The following SETX variants were observed in gnomAD, a reference collection of about 807,000 sequenced individuals.
SETX encodes helicase senataxin.
Under a neutral mutation model 227.2 loss-of-function variants are expected in SETX, and 90 were observed. The ratio of observed to expected loss-of-function variants is 0.40; its 90% CI spans 0.33 to 0.47. The LOEUF is 0.47. SETX is among the 20% of genes least tolerant of loss of function. SETX has a pLI of 0.91. For missense variants in SETX, 3,052 were observed against 3,181.5 expected (o/e 0.96, Z 0.98); for synonymous variants, 1,210 against 1,113.2 (o/e 1.09, Z -1.73).
rs554610304 is a variant in SETX, at chr9:132,302,694, A to C, written c.5375-1891T>G. On this transcript the variant is annotated intron_variant, in intron 11 of 25. Coordinates refer to ENST00000224140, the MANE Select transcript of SETX (RefSeq NM_015046.7). ...AAAAAAAAAAAGCAAAAAAAAAAAAAAAAACCAGCAGGCATTTTTATAAAT... is the reference window on the plus strand; with the variant it reads ...AAAAAAAAAAAGCAAAAAAAAAAAACAAAACCAGCAGGCATTTTTATAAAT... Among the ~76,000 whole-genome samples, 6 of 150,990 alleles carry C rather than the reference A, an allele frequency of 4.0e-5. No individual in the cohort carries two copies. The South Asian group carries it at 1.2e-3, about 31-fold the overall frequency.
intron 24 of SETX, 93 bp from the exon 25 acceptor site, chr9:132,269,795 C>G (rs1231320432): frequency 8.0e-7 from 1 of 1,255,368 alleles, no homozygotes; most frequent in Non-Finnish European, 1.2e-6. Flanking sequence ...TCAACGTGCC[C>G]GTGTCTGACA....
intron 5 of SETX, among the ~76,000 whole-genome samples, chr9:132,340,784 A>G (rs541287): frequency 0.89 from 135,999 of 152,262 alleles, 60,851 homozygotes; most frequent in Non-Finnish European, 0.92. Context: ...CACCTGGATC[A>G]GATCTTTTAG....
intron 11 of SETX, among the ~76,000 whole-genome samples, chr9:132,303,135 A>G (rs533583053): frequency 1.3e-5 from 2 of 152,056 alleles, no homozygotes; most frequent in African/African-American, 4.8e-5. Flanking sequence ...CTCCTGCCTC[A>G]GCCTCCCATG....
At chr9:132,342,968 C>A (rs959698046) in intron 4 of SETX, among the ~76,000 whole-genome samples, 169 bp from the exon 5 acceptor site, 1 of 152,148 alleles carries the variant, frequency 6.6e-6, no homozygotes, top group African/African-American at 2.4e-5. Flanking sequence ...ATTTACCTGA[C>A]AGGCTAAATC....
intron 10 of SETX, among the ~76,000 whole-genome samples, chr9:132,316,511 T>G (rs1324975375): frequency 6.6e-6 from 1 of 152,244 alleles, no homozygotes; most frequent in Admixed American, 6.5e-5. Context: ...TTTTTATGAT[T>G]ACCTTCATCA....
intron 25 of SETX, among the ~76,000 whole-genome samples, chr9:132,267,603 G>T (rs1486321458): frequency 6.6e-6 from 1 of 152,198 alleles, no homozygotes; most frequent in Non-Finnish European, 1.5e-5. Context: ...AGGAAGCCCA[G>T]CTGACATGTC....
chr9:132,279,415 A>T (rs7027433), intron 20 of SETX, among the ~76,000 whole-genome samples: 13,343 of 151,964 alleles, frequency 0.088, 634 homozygotes, highest in South Asian at 0.15. Context: ...AAGTATAATT[A>T]AAAAAGAAAA....
intron 4 of SETX, among the ~76,000 whole-genome samples, chr9:132,344,616 T>C (rs879461942): frequency 6.6e-6 from 1 of 152,222 alleles, no homozygotes; most frequent in African/African-American, 2.4e-5. Context: ...GGCTTACACC[T>C]GTAATCTCAG....
Position 132,297,050 on chromosome 9 carries a change from G to A in SETX, c.5786C>T (p.Ala1929Val), listed in dbSNP as rs200571606. 68 of 1,609,838 alleles carry A rather than the reference G, an allele frequency of 4.2e-5. No individual in the cohort carries two copies. In the South Asian group the frequency reaches 6.2e-4, roughly 15 times the overall value. ...LLTTTSERII[A>V]YLRDFNEDQK... ...ATCTTCATTGAAATCTCTTAAGTACGCAATCTATATAAAAAACACATTTTT... is the reference window on the plus strand; with the variant it reads ...ATCTTCATTGAAATCTCTTAAGTACACAATCTATATAAAAAACACATTTTT... Residue 1929 changes from alanine (A) to valine (V), a missense_variant, in exon 14 of 26, where the codon GCG becomes GTG. This residue lies in a region of SETX where 239 missense variants were observed against 272.1 expected (regional missense o/e 0.88). Transcript: ENST00000224140.
At chr9:132,286,865 T>C (rs1843933154) in intron 17 of SETX, among the ~76,000 whole-genome samples, 1 of 152,238 alleles carries the variant, frequency 6.6e-6, no homozygotes, top group Non-Finnish European at 1.5e-5. Flanking sequence ...AAATAGGGAT[T>C]AGACCTGCTT....
chr9:132,346,818 T>C (rs1232746378), intron 3 of SETX, among the ~76,000 whole-genome samples: 3 of 149,040 alleles, frequency 2.0e-5, no homozygotes, highest in East Asian at 2.0e-4. Context: ...ATTAGCTAGG[T>C]GTGGTGCATG....
chr9:132,281,276 G>C (rs1239934861), intron 20 of SETX, among the ~76,000 whole-genome samples, 191 bp downstream of exon 20: 1 of 152,104 alleles, frequency 6.6e-6, no homozygotes, highest in South Asian at 2.1e-4. Flanking sequence ...ATACACAGAA[G>C]AACAACTATG....
chr9:132,321,307 G>T lies in SETX; in HGVS notation c.5274+5017C>A, dbSNP rs1846312956. Among the ~76,000 whole-genome samples, 2 of 151,922 alleles carry T rather than the reference G, an allele frequency of 1.3e-5. 1 individual carries two copies. Among genetic ancestry groups the T allele is most frequent in the South Asian group, 4.2e-4 (2 of 4,788 alleles). ...GGCCAAGGCGGGTGGATCACCTGAG[G>T]TCAGGAGTTTGAGACCAGCCTGACC... On this transcript the variant is annotated intron_variant, in intron 10 of 25. Transcript: ENST00000224140.
chr9:132,276,495 T>C (rs996889750), intron 22 of SETX, among the ~76,000 whole-genome samples: 1 of 152,144 alleles, frequency 6.6e-6, no homozygotes, highest in African/African-American at 2.4e-5. Context: ...CATGACAGAG[T>C]GGCACTTGTA....
At chr9:132,285,061 T>C (rs910191053) in intron 18 of SETX, among the ~76,000 whole-genome samples, 2 of 152,004 alleles carry the variant, frequency 1.3e-5, no homozygotes, top group Admixed American at 1.3e-4. Flanking sequence ...TGTATTTTAT[T>C]AGAGACGGGG....
intron 19 of SETX, among the ~76,000 whole-genome samples, chr9:132,282,357 A>C (rs535109624): frequency 2.7e-5 from 4 of 150,938 alleles, no homozygotes; most frequent in African/African-American, 7.3e-5. Flanking sequence ...GAGGGCAATG[A>C]CATGATCGTT....
At chr9:132,356,116 C>A (rs151025828), upstream of SETX, among the ~76,000 whole-genome samples, 47 of 152,086 alleles carry the variant, frequency 3.1e-4, 1 homozygote, top group East Asian at 9.1e-3. Flanking sequence ...TGCCACTACA[C>A]TCCAGGCTGG....
chr9:132,328,492 G>A lies in SETX; in HGVS notation c.3106C>T (p.Gln1036Ter). Reference sequence around the variant, plus strand: ...TCCCTCTCAAGGCATATTTTGTCCTGTTTAGTGAGTTTCTCAAGACTCAGG... The same window carrying A: ...TCCCTCTCAAGGCATATTTTGTCCTATTTAGTGAGTTTCTCAAGACTCAGG... ...RILSLEKLTKQDKICLEREHP... is the reference protein window; with the variant it reads ...RILSLEKLTK Residue 1036 changes from glutamine (Q) to a stop codon, truncating the protein, a stop_gained, in exon 10 of 26, where the codon CAG becomes TAG. Transcript: ENST00000224140. LOFTEE classifies it high-confidence loss of function. The A allele has an allele frequency of 3.1e-6, 5 of 1,613,766 alleles. No homozygotes were observed. The highest frequency in any genetic ancestry group is 4.2e-6 in the Non-Finnish European group (5 of 1,179,978).
intron 20 of SETX, among the ~76,000 whole-genome samples, chr9:132,279,194 GGA>G (rs1843354554): frequency 4.6e-5 from 7 of 152,096 alleles, no homozygotes; most frequent in Admixed American, 4.6e-4. Context: ...GTGACAAGTG[GGA>G]TAAACTGTCT....
Sources: gnomAD v4.1 joint callset for allele counts (sites outside exome capture counted in the v4.1 genomes callset) on GRCh38, gnomAD v4.1.1 for gene constraint, gnomAD v4.1.1 regional missense constraint, MANE v1.5 for transcripts, NCBI Gene and HGNC (gene_info 2026-07-23, HGNC 2026-07-21) for gene names.